POLR3G: variants seen among roughly 807,000 people sequenced by gnomAD.
POLR3G encodes the protein DNA-directed RNA polymerase III subunit RPC7.
POLR3G carries 28 observed loss-of-function variants against 30.1 expected under a neutral mutation model. The ratio of observed to expected loss-of-function variants is 0.93; its 90% CI spans 0.69 to 1.27. The LOEUF (loss-of-function observed/expected upper bound fraction) is 1.27. POLR3G is among the 50% of genes most tolerant of loss of function. The pLI, the probability that POLR3G is intolerant of heterozygous loss-of-function variation, is 0.00. For missense variants in POLR3G, 254 were observed against 264.6 expected (o/e 0.96, Z 0.28); for synonymous variants, 79 against 82.5 (o/e 0.96, Z 0.23).
chr5:90,490,571 ATTTT>A (rs10686849), intron 3 of POLR3G: 136 of 313,602 alleles, frequency 4.3e-4, no homozygotes, highest in South Asian at 6.6e-4. Context: ...CTAACTTTTA[ATTTT>A]TTTTTTTTTT....
At position 90,485,543 on chromosome 5, in the gene POLR3G, C is replaced by CA. The variant is rs1313189306; in HGVS notation, c.-24dup. 2 of 1,518,570 alleles carry CA rather than the reference C, an allele frequency of 1.3e-6. No individual in the cohort carries two copies. The highest frequency in any genetic ancestry group is 2.8e-5 in the African/African-American group (2 of 72,176). 94.1% of individuals were successfully genotyped at this position (1,518,570 alleles called of 1,614,324 possible). On this transcript the variant is annotated 5_prime_UTR_variant, in exon 2 of 8. Transcript: ENST00000651687. ...TTAATAGTGCCTTTCAGAATTTGCC[C>CA]ACTCATCTGGTATAACTGGTTCTGA...
At chr5:90,503,362 A>C (rs1752343663) in intron 6 of POLR3G, among the ~76,000 whole-genome samples, 1 of 152,242 alleles carries the variant, frequency 6.6e-6, no homozygotes, top group Non-Finnish European at 1.5e-5. Context: ...CATGTCTGAA[A>C]AATAAAGCCA....
At chr5:90,501,253 T>A (rs1038265404) in intron 5 of POLR3G, among the ~76,000 whole-genome samples, 3 of 152,204 alleles carry the variant, frequency 2.0e-5, no homozygotes, top group African/African-American at 7.2e-5. Flanking sequence ...AGAAGTATTT[T>A]TATTTTATTT....
chr5:90,496,402 G>A (rs1343913282), intron 4 of POLR3G, among the ~76,000 whole-genome samples: 2 of 152,174 alleles, frequency 1.3e-5, no homozygotes, highest in African/African-American at 2.4e-5. Flanking sequence ...CAATTTTAGA[G>A]CATTTGAAGA....
chr5:90,511,287 T>C (rs111627951), intron 7 of POLR3G, among the ~76,000 whole-genome samples: 179 of 152,332 alleles, frequency 1.2e-3, no homozygotes, highest in Middle Eastern at 0.01. Flanking sequence ...AATTCCTTAA[T>C]TTCATCAAAT....
At chr5:90,484,703 C>T (rs1194880262) in intron 1 of POLR3G, among the ~76,000 whole-genome samples, 2 of 152,120 alleles carry the variant, frequency 1.3e-5, no homozygotes, top group Admixed American at 6.6e-5. Flanking sequence ...TGACTTCCTC[C>T]GAGTGGTCCA....
intron 3 of POLR3G, among the ~76,000 whole-genome samples, chr5:90,492,653 C>T (rs1580206043): frequency 6.6e-6 from 1 of 151,968 alleles, no homozygotes; most frequent in African/African-American, 2.4e-5. Context: ...GAGTCTGAGG[C>T]AGGTGGATCA....
At chr5:90,474,273 T>C, upstream of POLR3G, 1 of 1,613,332 alleles carries the variant, frequency 6.2e-7, no homozygotes, top group Non-Finnish European at 8.5e-7. Flanking sequence ...CTTGTGGGCG[T>C]ACCACTCGAG....
chr5:90,481,537 T>C (rs1168689688), intron 1 of POLR3G, among the ~76,000 whole-genome samples: 1 of 152,320 alleles, frequency 6.6e-6, no homozygotes, highest in South Asian at 2.1e-4. Context: ...AAATTCAGAT[T>C]CTCAGTTTCT....
intron 1 of POLR3G, among the ~76,000 whole-genome samples, chr5:90,477,323 A>G (rs1750882536): frequency 6.6e-6 from 1 of 152,226 alleles, no homozygotes; most frequent in African/African-American, 2.4e-5. Context: ...GAAAGACTCC[A>G]AAGCTCTGTT....
intron 1 of POLR3G, 133 bp from the exon 2 acceptor site, chr5:90,485,392 A>G: frequency 3.6e-6 from 2 of 552,890 alleles, no homozygotes; most frequent in South Asian, 4.7e-5. Flanking sequence ...TCACATGTTT[A>G]TTTGTGTACA....
At chr5:90,485,144 G>A (rs992926109) in intron 1 of POLR3G, among the ~76,000 whole-genome samples, 2 of 152,164 alleles carry the variant, frequency 1.3e-5, no homozygotes, top group Non-Finnish European at 2.9e-5. Flanking sequence ...AAGTCTTAAA[G>A]TATATATGAC....
Position 90,512,892 on chromosome 5 carries a change from T to C in POLR3G, c.*753T>C, listed in dbSNP as rs1409303160. ...CTTATGAAAAATTTGACTAAGACAT[T>C]TTATTTTATACTTTATGTAAATGTG... On this transcript the variant is annotated 3_prime_UTR_variant, in exon 8 of 8. Transcript: ENST00000651687. The C allele has an allele frequency of 1.3e-5, 2 of 152,132 alleles. No homozygotes were observed. The highest frequency in any genetic ancestry group is 2.9e-5 in the Non-Finnish European group (2 of 67,978). The allele number at this position is 152,132 out of a possible 1,614,324, so 9.4% of individuals were successfully genotyped here.
At position 90,510,088 on chromosome 5, in the gene POLR3G, G is replaced by A. The variant is rs546701112; in HGVS notation, c.586-1965G>A. On this transcript the variant is annotated intron_variant, in intron 7 of 7. Transcript: ENST00000651687. ...GGGTAGTAGGGTGGTGGTGCTATAG[G>A]TTCTAGTTTGTGTGGTCAATACTCT... 3.9e-5 allele frequency among the ~76,000 whole-genome samples: 6 copies of A among 152,232 alleles called. No homozygotes were observed. In the South Asian group the frequency reaches 1.2e-3, roughly 32 times the overall value.
intron 1 of POLR3G, among the ~76,000 whole-genome samples, chr5:90,479,287 C>T (rs903019619): frequency 2.0e-5 from 3 of 152,160 alleles, no homozygotes; most frequent in Admixed American, 1.3e-4. Context: ...GCCTTGCCAA[C>T]ATGGTGAAAC....
In POLR3G at chr5:90,480,411, ATAAT is replaced by A. The variant is rs566504622; in HGVS notation, c.-43-5111_-43-5108del. Among the ~76,000 whole-genome samples, 584 of 152,372 alleles carry A rather than the reference ATAAT, an allele frequency of 3.8e-3. 4 individuals are homozygous for A. The highest frequency in any genetic ancestry group is 0.013 in the African/African-American group (537 of 41,596). ...ATGGGTTTGTAGGCTGGAATGCCAC[ATAAT>A]TATTAAATGTGTCAAAAGCTAGGAA... On this transcript the variant is annotated intron_variant, in intron 1 of 7. Coordinates refer to ENST00000651687, the MANE Select transcript of POLR3G (RefSeq NM_006467.3).
In POLR3G at chr5:90,501,888, C is replaced by T. The variant is rs774067408; in HGVS notation, c.356-18C>T. On this transcript the variant is annotated intron_variant, in intron 5 of 7. Transcript: ENST00000651687. ...TTGCAGTTGCAGAAAAATGTGTTAA[C>T]TGGTAGTTTTACTTCAGCAGGCCCA... 7 of 1,611,144 alleles carry T rather than the reference C, an allele frequency of 4.3e-6. No homozygotes were observed. Among genetic ancestry groups the T allele is most frequent in the Non-Finnish European group, 5.1e-6 (6 of 1,178,478 alleles).
chr5:90,497,783 C>T, intron 5 of POLR3G, 77 bp downstream of exon 5: 1 of 1,498,820 alleles, frequency 6.7e-7, no homozygotes, highest in Non-Finnish European at 9.0e-7. Context: ...ATTTGTCAAC[C>T]CAAAGTTATA....
intron 7 of POLR3G, among the ~76,000 whole-genome samples, chr5:90,511,226 G>A (rs1238684370): frequency 6.6e-6 from 1 of 151,996 alleles, no homozygotes; most frequent in Non-Finnish European, 1.5e-5. Flanking sequence ...AAAAATAAGG[G>A]CTCTTTAACA....
Sources: allele counts gnomAD v4.1 joint callset (sites outside exome capture counted in the v4.1 genomes callset), GRCh38; gene constraint gnomAD v4.1.1; transcripts MANE v1.5; gene names NCBI Gene and HGNC (gene_info 2026-07-23, HGNC 2026-07-21).